The following MAP2K4 variants were observed in gnomAD, a reference collection of about 807,000 sequenced individuals.
MAP2K4 encodes the protein mitogen-activated protein kinase kinase 4, also known as dual specificity mitogen-activated protein kinase kinase 4.
MAP2K4 carries 4 observed loss-of-function variants against 48.5 expected under a neutral mutation model. That is an observed-to-expected ratio of 0.08 (90% CI 0.04 to 0.19). MAP2K4 has a LOEUF of 0.19. MAP2K4 is among the 10% of genes least tolerant of loss of function. The pLI, the probability that MAP2K4 is intolerant of heterozygous loss-of-function variation, is 1.00. For missense variants in MAP2K4, 258 were observed against 493.3 expected (o/e 0.52, Z 4.52); for synonymous variants, 166 against 173.1 (o/e 0.96, Z 0.32).
chr17:12,050,785 T>G (rs897920924), intron 1 of MAP2K4, among the ~76,000 whole-genome samples: 2 of 152,218 alleles, frequency 1.3e-5, no homozygotes, highest in Non-Finnish European at 2.9e-5. Context: ...GTGTCTTCCC[T>G]CCAACTTCAA....
intron 3 of MAP2K4, among the ~76,000 whole-genome samples, chr17:12,093,517 T>C (rs959472932): frequency 2.6e-5 from 4 of 152,198 alleles, no homozygotes; most frequent in African/African-American, 9.6e-5. Flanking sequence ...CTAGTTGAAA[T>C]ATAAATATTT....
At chr17:12,064,094 G>T (rs145523277) in intron 2 of MAP2K4, among the ~76,000 whole-genome samples, 1 of 151,470 alleles carries the variant, frequency 6.6e-6, no homozygotes, top group Admixed American at 6.6e-5. Flanking sequence ...TCTGACAAAG[G>T]ACTTTTGTAT....
chr17:12,135,166 G>A (rs1307319465), intron 9 of MAP2K4, among the ~76,000 whole-genome samples: 5 of 152,068 alleles, frequency 3.3e-5, no homozygotes, highest in Admixed American at 6.5e-5. Context: ...TCGGCTCACC[G>A]CAGCCTCAAC....
chr17:12,117,884 A>G (rs1326547042), intron 7 of MAP2K4, among the ~76,000 whole-genome samples: 1 of 152,200 alleles, frequency 6.6e-6, no homozygotes, highest in Non-Finnish European at 1.5e-5. Context: ...TGATGAACAA[A>G]AGTTACTGAA....
chr17:12,038,121 A>C (rs1013848876), intron 1 of MAP2K4, among the ~76,000 whole-genome samples: 3 of 152,188 alleles, frequency 2.0e-5, no homozygotes, highest in African/African-American at 4.8e-5. Flanking sequence ...GGATGTTGAC[A>C]GAACTTTCAG....
At chr17:12,099,083 C>T (rs1778450095) in intron 4 of MAP2K4, among the ~76,000 whole-genome samples, 1 of 151,880 alleles carries the variant, frequency 6.6e-6, no homozygotes, top group African/African-American at 2.4e-5. Context: ...CCAAGGTCTC[C>T]AGTTCCGTAT....
Position 12,129,009 on chromosome 17 carries a change from A to G in MAP2K4, c.892-130A>G, listed in dbSNP as rs2151590684. 6.8e-6 allele frequency: 5 copies of G among 740,460 alleles called. No individual in the cohort carries two copies. The East Asian group carries it at 8.0e-5, about 12-fold the overall frequency. The allele number at this position is 740,460 out of a possible 1,614,324, so 45.9% of individuals were successfully genotyped here. The stretch of plus-strand genomic sequence containing the variant: ...TTATGATTCTGAAGATTCCTCCCCA[A>G]GCTAACCTGTGTTTAATTCAAGGCT... On this transcript the variant is annotated intron_variant, in intron 8 of 10. Coordinates refer to ENST00000353533, the MANE Select transcript of MAP2K4 (RefSeq NM_003010.4).
Position 12,123,891 on chromosome 17 carries a change from G to C in MAP2K4, c.814-1403G>C, listed in dbSNP as rs28923229. On this transcript the variant is annotated intron_variant, in intron 7 of 10. Transcript: ENST00000353533. ...ATTTTGTGATCTGAGAACATGCTTT[G>C]CATGCTTTCCATCTTTTAAAACAAG... 8.0e-3 allele frequency among the ~76,000 whole-genome samples: 1,218 copies of C among 152,156 alleles called. 10 individuals are homozygous for C. The highest frequency in any genetic ancestry group is 0.027 in the African/African-American group (1,124 of 41,498).
intron 2 of MAP2K4, among the ~76,000 whole-genome samples, chr17:12,067,152 A>C (rs1285751338): frequency 1.3e-5 from 2 of 152,182 alleles, no homozygotes; most frequent in African/African-American, 4.8e-5. Context: ...TATAGTATTC[A>C]TTACATTGTA....
At chr17:12,031,118 C>T (rs574396535) in intron 1 of MAP2K4, among the ~76,000 whole-genome samples, 1 of 152,242 alleles carries the variant, frequency 6.6e-6, no homozygotes, top group Admixed American at 6.5e-5. Flanking sequence ...CTAGGTTTGC[C>T]CTAGTACTTC....
chr17:12,067,165 G>A (rs1011987698), intron 2 of MAP2K4, among the ~76,000 whole-genome samples: 2 of 152,130 alleles, frequency 1.3e-5, no homozygotes, highest in African/African-American at 4.8e-5. Flanking sequence ...ACATTGTATA[G>A]GTGTATTATA....
Position 12,077,662 on chromosome 17 carries a change from CTT to C in MAP2K4, c.219-3689_219-3688del, listed in dbSNP as rs373144546. Among the ~76,000 whole-genome samples the C allele has an allele frequency of 1.9e-3, 284 of 152,282 alleles. 2 individuals carry two copies. Among genetic ancestry groups the C allele is most frequent in the African/African-American group, 6.3e-3 (261 of 41,568 alleles). On this transcript the variant is annotated intron_variant, in intron 2 of 10. Transcript: ENST00000353533. ...GAGGTTGGAGGAAAAGAAAAAGAGT[CTT>C]TTTTCCAACTGAGTTAGCTCCTTTT...
intron 9 of MAP2K4, among the ~76,000 whole-genome samples, chr17:12,130,887 TTA>T (rs1022579498): frequency 1.3e-5 from 2 of 152,182 alleles, no homozygotes; most frequent in Admixed American, 6.5e-5. Context: ...ATTCCCCTTT[TTA>T]TTAGAGTTGT....
At chr17:12,113,433 T>G in intron 7 of MAP2K4, 73 bp downstream of exon 7, 1 of 1,543,368 alleles carries the variant, frequency 6.5e-7, no homozygotes, top group East Asian at 2.3e-5. Context: ...GTGCTGGCCA[T>G]TAGTCATACG....
intron 8 of MAP2K4, among the ~76,000 whole-genome samples, chr17:12,127,904 G>T (rs575152389): frequency 6.6e-6 from 1 of 152,162 alleles, no homozygotes; most frequent in Non-Finnish European, 1.5e-5. Flanking sequence ...GGGAGGAAAC[G>T]GAATCAGTGT....
At chr17:12,073,160 A>G (rs1031664637) in intron 2 of MAP2K4, among the ~76,000 whole-genome samples, 5 of 152,204 alleles carry the variant, frequency 3.3e-5, no homozygotes, top group African/African-American at 1.2e-4. Context: ...AGAATAAGGA[A>G]AATTTTTACC....
intron 4 of MAP2K4, among the ~76,000 whole-genome samples, chr17:12,098,113 A>G (rs1476093230): frequency 6.6e-6 from 1 of 152,194 alleles, no homozygotes; most frequent in Non-Finnish European, 1.5e-5. Context: ...TTTTACAATA[A>G]AAGTGTTACT....
chr17:12,124,378 A>T (rs1158881258), intron 7 of MAP2K4: 1 of 152,196 alleles, frequency 6.6e-6, no homozygotes, highest in East Asian at 1.9e-4. Flanking sequence ...ACTAAAAATG[A>T]TTTCTGCGGT....
chr17:12,103,545 A>T (rs1972009055), intron 4 of MAP2K4, among the ~76,000 whole-genome samples: 1 of 152,126 alleles, frequency 6.6e-6, no homozygotes, highest in Non-Finnish European at 1.5e-5. Flanking sequence ...AGAAACAGCT[A>T]CCCAAATCCT....
Sources: allele counts gnomAD v4.1 joint callset (sites outside exome capture counted in the v4.1 genomes callset), GRCh38; gene constraint gnomAD v4.1.1; transcripts MANE v1.5; gene names NCBI Gene and HGNC (gene_info 2026-07-23, HGNC 2026-07-21).